Variants in PCDHA7 observed in about 807,000 individuals in gnomAD.
The protein encoded by PCDHA7 is protocadherin alpha 7.
A neutral mutation model predicts 57.2 loss-of-function variants in PCDHA7; 37 were observed. That is an observed-to-expected ratio of 0.65 (90% CI 0.50 to 0.85). The LOEUF (loss-of-function observed/expected upper bound fraction) is 0.85, where lower values mean the gene tolerates loss of function less well. PCDHA7 is among the 40% of genes least tolerant of loss of function. The probability of loss-of-function intolerance (pLI) is 0.00; values close to 1 mark genes in which losing one functional copy is unlikely to be tolerated. For synonymous variants in PCDHA7, 553 were observed against 558.8 expected (o/e 0.99, Z 0.15); for missense variants, 1,188 against 1,241.8 (o/e 0.96, Z 0.65).
At chr5:140,864,528 T>C (rs2048505938) in intron 1 of PCDHA7, 1 of 152,240 alleles carries the variant, frequency 6.6e-6, no homozygotes, top group Non-Finnish European at 1.5e-5. Context: ...TACTTCTTAA[T>C]TTTTGTCTTC....
chr5:140,870,780 C>T (rs782242319), intron 1 of PCDHA7: 3 of 1,613,508 alleles, frequency 1.9e-6, no homozygotes, highest in Non-Finnish European at 2.5e-6. Context: ...ACGAGAACGA[C>T]AACGCGCCGG....
At chr5:140,962,585 T>C (rs2095694248) in intron 1 of PCDHA7, among the ~76,000 whole-genome samples, 1 of 152,216 alleles carries the variant, frequency 6.6e-6, no homozygotes, top group South Asian at 2.1e-4. Flanking sequence ...ATGCCAAATA[T>C]TTGACTGATA....
At chr5:140,870,430 G>C (rs782773036) in intron 1 of PCDHA7, 6 of 1,614,226 alleles carry the variant, frequency 3.7e-6, no homozygotes, top group Non-Finnish European at 5.1e-6. Context: ...GGTATCCGTG[G>C]AGGTGGCCGA....
intron 1 of PCDHA7, chr5:140,927,070 A>G (rs1697871410): frequency 1.9e-6 from 3 of 1,610,816 alleles, no homozygotes; most frequent in Non-Finnish European, 2.5e-6. Context: ...CTTCCTTTCC[A>G]GCCACCGCGA....
chr5:140,914,207 A>G (rs1485868934), intron 1 of PCDHA7, among the ~76,000 whole-genome samples: 4 of 152,060 alleles, frequency 2.6e-5, no homozygotes, highest in African/African-American at 9.7e-5. Context: ...TGTGATCTCT[A>G]TCTCTCTTTT....
At chr5:141,005,574 T>C (rs567844252) in intron 3 of PCDHA7, among the ~76,000 whole-genome samples, 58 of 150,842 alleles carry the variant, frequency 3.8e-4, no homozygotes, top group Non-Finnish European at 7.5e-4. Flanking sequence ...TGGTGGCGCG[T>C]GCCTGTAGTC....
intron 1 of PCDHA7, among the ~76,000 whole-genome samples, chr5:140,880,546 T>C (rs919094204): frequency 7.9e-5 from 12 of 152,198 alleles, no homozygotes; most frequent in Non-Finnish European, 1.8e-4. Flanking sequence ...GAAAGTGAAC[T>C]GATGGAAATG....
intron 1 of PCDHA7, 146 bp downstream of exon 1, chr5:140,836,884 T>A (rs1387111400): frequency 1.6e-6 from 1 of 642,656 alleles, no homozygotes; most frequent in Non-Finnish European, 2.5e-6. Flanking sequence ...TTGCACTAAT[T>A]ATTTGGAAGT....
At chr5:140,943,729 A>C (rs1215938127) in intron 1 of PCDHA7, among the ~76,000 whole-genome samples, 2 of 152,256 alleles carry the variant, frequency 1.3e-5, no homozygotes, top group Non-Finnish European at 2.9e-5. Context: ...TGAGAGAATG[A>C]AAGTCCACAG....
chr5:140,995,867 G>A (rs1355291744), intron 3 of PCDHA7, among the ~76,000 whole-genome samples: 1 of 152,152 alleles, frequency 6.6e-6, no homozygotes, highest in Non-Finnish European at 1.5e-5. Flanking sequence ...CTTAATAATT[G>A]TGCAACCTGT....
Position 140,883,733 on chromosome 5 carries a change from C to T in PCDHA7, c.2355+46995C>T, listed in dbSNP as rs1554179634. 2.5e-6 allele frequency: 4 copies of T among 1,613,458 alleles called. No individual in the cohort carries two copies. In the East Asian group the frequency reaches 6.7e-5, roughly 27 times the overall value. On this transcript the variant is annotated intron_variant, in intron 1 of 3. Coordinates refer to ENST00000525929, the MANE Select transcript of PCDHA7 (RefSeq NM_018910.3). ...GGACGCGGACGCACAGGAGAACGCG[C>T]TGGTCTCCTACTCGCTGGTGGAGCG...
chr5:140,901,440 G>C (rs187310877), intron 1 of PCDHA7, among the ~76,000 whole-genome samples: 22 of 152,214 alleles, frequency 1.4e-4, no homozygotes, highest in Admixed American at 5.2e-4. Flanking sequence ...TGGATATCTA[G>C]TTTCCCAGCA....
rs558900138 is a variant in PCDHA7, at chr5:140,898,510, C to T, written c.2355+61772C>T. On this transcript the variant is annotated intron_variant, in intron 1 of 3. Coordinates refer to ENST00000525929, the MANE Select transcript of PCDHA7 (RefSeq NM_018910.3). ...AGATCAGATAGTTGTAGATATGCGG[C>T]GTTATTTCTGAGGGCTCTGTTCTGT... Among the ~76,000 whole-genome samples, 9 of 152,196 alleles carry T rather than the reference C, an allele frequency of 5.9e-5. No homozygotes were observed. In the South Asian group the frequency reaches 6.2e-4, roughly 11 times the overall value.
At chr5:140,891,100 G>T (rs544877951) in intron 1 of PCDHA7, among the ~76,000 whole-genome samples, 1 of 152,206 alleles carries the variant, frequency 6.6e-6, no homozygotes, top group East Asian at 1.9e-4. Context: ...TTGCTGTCAA[G>T]AATTTAGCTG....
chr5:140,890,995 A>C (rs1554184607), intron 1 of PCDHA7, among the ~76,000 whole-genome samples: 2 of 152,138 alleles, frequency 1.3e-5, no homozygotes, highest in Non-Finnish European at 1.5e-5. Context: ...ATTTCATCAT[A>C]ATTATTGAAA....
chr5:140,917,314 G>A (rs1554197960), intron 1 of PCDHA7, among the ~76,000 whole-genome samples: 1 of 142,492 alleles, frequency 7.0e-6, no homozygotes, highest in African/African-American at 2.6e-5. Context: ...ACAATTTGGT[G>A]TTCATGTGGC....
At chr5:140,843,527 A>C (rs2150362053) in intron 1 of PCDHA7, 2 of 1,595,944 alleles carry the variant, frequency 1.3e-6, no homozygotes, top group Non-Finnish European at 1.7e-6. Context: ...CCGGGCGGGC[A>C]AGCCCACTCT....
At chr5:140,908,794 C>T (rs1554193480) in intron 1 of PCDHA7, among the ~76,000 whole-genome samples, 1 of 152,142 alleles carries the variant, frequency 6.6e-6, no homozygotes, top group African/African-American at 2.4e-5. Context: ...TTCTGTACTA[C>T]ATTAAAAAGT....
chr5:140,882,182 G>GACT (rs1284192603), intron 1 of PCDHA7: 2 of 1,518,394 alleles, frequency 1.3e-6, no homozygotes, highest in African/African-American at 2.8e-5. Flanking sequence ...TCCGCACTAG[G>GACT]AAGCCATAAA....
Sources: gnomAD v4.1 joint callset for allele counts (sites outside exome capture counted in the v4.1 genomes callset) on GRCh38, gnomAD v4.1.1 for gene constraint, MANE v1.5 for transcripts, NCBI Gene and HGNC (gene_info 2026-07-23, HGNC 2026-07-21) for gene names.